The following GPRC5C variants were observed in gnomAD, a reference collection of about 807,000 sequenced individuals.
GPRC5C encodes G protein-coupled receptor family C group 5 member C.
In GPRC5C, 22 loss-of-function variants were observed where a neutral mutation model predicts 31.4. The observed-to-expected ratio is 0.70, with a 90% CI of 0.50 to 1.00. The LOEUF is 1.00. GPRC5C is among the 50% of genes least tolerant of loss of function. The probability of loss-of-function intolerance (pLI) is 0.00; values close to 1 mark genes in which losing one functional copy is unlikely to be tolerated. For synonymous variants in GPRC5C, 249 were observed against 257.5 expected (o/e 0.97, Z 0.32); for missense variants, 557 against 597.2 (o/e 0.93, Z 0.70).
chr17:74,448,688 A>G (rs2055678540), downstream of GPRC5C: 1 of 421,830 alleles, frequency 2.4e-6, no homozygotes, highest in South Asian at 1.7e-5. Flanking sequence ...CCATCAGCTC[A>G]TTTTAATCCC....
chr17:74,440,528 C>T lies in GPRC5C; in HGVS notation c.752C>T (p.Thr251Ile), dbSNP rs749716899. The T allele has an allele frequency of 6.2e-7, 1 of 1,614,198 alleles. No homozygotes were observed. ...HGVFVLLTTA[T>I]SVAIWVVWIV... ...GTCTTTGTGCTCCTCACCACAGCCACCTCCGTTGCCATATGGGTGGTGTGG... is the reference window on the plus strand; with the variant it reads ...GTCTTTGTGCTCCTCACCACAGCCATCTCCGTTGCCATATGGGTGGTGTGG... The change falls in exon 2 of 4, where the codon ACC becomes ATC. Residue 251 changes from threonine to isoleucine, a missense_variant. Transcript: ENST00000392627. The surrounding 1 kb of genome is among the most constrained non-coding windows in gnomAD (Gnocchi z 4.4).
intron 1 of GPRC5C, among the ~76,000 whole-genome samples, chr17:74,434,710 G>A (rs1241909945): frequency 6.6e-6 from 1 of 152,178 alleles, no homozygotes; most frequent in African/African-American, 2.4e-5. Context: ...ATCACCTTAG[G>A]TCAGGAGTTT....
intron 1 of GPRC5C, among the ~76,000 whole-genome samples, chr17:74,435,329 C>T (rs2055417697): frequency 6.6e-6 from 1 of 152,250 alleles, no homozygotes; most frequent in African/African-American, 2.4e-5. Flanking sequence ...CTGTCCTAGG[C>T]AGTGGATGAG....
downstream of GPRC5C, among the ~76,000 whole-genome samples, chr17:74,447,664 C>T (rs1236557700): frequency 2.0e-5 from 3 of 152,228 alleles, no homozygotes; most frequent in Non-Finnish European, 4.4e-5. Flanking sequence ...AGGCTCAGTG[C>T]GTGCCTAGGA....
chr17:74,440,125 G>T lies in GPRC5C; in HGVS notation c.349G>T (p.Ala117Ser). The T allele has an allele frequency of 6.2e-7, 1 of 1,614,148 alleles. No homozygotes were observed. The highest frequency in any genetic ancestry group is 8.5e-7 in the Non-Finnish European group (1 of 1,180,026). The change falls in exon 2 of 4, where the codon GCC (alanine) becomes TCC (serine). Residue 117 changes from alanine to serine, a missense_variant. By Grantham distance (99) the Ala-to-Ser change is moderately conservative. Transcript: ENST00000392627. The surrounding 1 kb of genome is among the most constrained non-coding windows in gnomAD (Gnocchi z 4.4). ...CVVKPDFSTC[A>S]SRRFLFGVLF... ...GGTGAAGCCCGACTTCTCCACCTGTGCCTCTCGGCGCTTCCTCTTTGGGGT... is the reference window on the plus strand; with the variant it reads ...GGTGAAGCCCGACTTCTCCACCTGTTCCTCTCGGCGCTTCCTCTTTGGGGT...
chr17:74,439,665 T>C, intron 1 of GPRC5C, 80 bp from the exon 2 acceptor site: 1 of 1,352,422 alleles, frequency 7.4e-7, no homozygotes, highest in Non-Finnish European at 1.0e-6. Flanking sequence ...TGCCTGGGTT[T>C]AGGTTGGGGG....
chr17:74,433,559 G>A (rs1293191963), intron 1 of GPRC5C: 3 of 707,648 alleles, frequency 4.2e-6, no homozygotes, highest in African/African-American at 3.5e-5. Flanking sequence ...AGAGGGGTGA[G>A]ACAGTGGGAC....
At chr17:74,444,358 C>T (rs2055592991) in intron 3 of GPRC5C, among the ~76,000 whole-genome samples, 1 of 152,148 alleles carries the variant, frequency 6.6e-6, no homozygotes, top group African/African-American at 2.4e-5. Context: ...CCAAGGGGGC[C>T]CACACTCTCC....
Position 74,438,506 on chromosome 17 carries a change from C to G in GPRC5C, c.-32-1239C>G, listed in dbSNP as rs183505444. Among the ~76,000 whole-genome samples, 524 of 151,828 alleles carry G rather than the reference C, an allele frequency of 3.5e-3. 1 individual carries two copies. The highest frequency in any genetic ancestry group is 6.2e-3 in the Non-Finnish European group (419 of 67,962). ...GAACTCCTGACCTCAAGTGATCCAC[C>G]AGTCTTGGCCTCCCAAAGTGCTGGG... On this transcript the variant is annotated intron_variant, in intron 1 of 3. Coordinates refer to ENST00000392627, the MANE Select transcript of GPRC5C (RefSeq NM_022036.4).
At chr17:74,448,234 G>A (rs978086730), downstream of GPRC5C, among the ~76,000 whole-genome samples, 3 of 152,174 alleles carry the variant, frequency 2.0e-5, no homozygotes, top group Non-Finnish European at 2.9e-5. Flanking sequence ...CCAGGAGGTC[G>A]AGGCTGCAGT....
At chr17:74,448,400 C>T (rs1330332093), downstream of GPRC5C, among the ~76,000 whole-genome samples, 3 of 152,032 alleles carry the variant, frequency 2.0e-5, no homozygotes, top group East Asian at 5.8e-4. Context: ...TTTTTTGAGA[C>T]AGAGTCTTGG....
rs2055415812 is a variant in GPRC5C, at chr17:74,435,196, G to T, written c.-33+3055G>T. ...ATCACGCCACTGCGCTCCAGCCTGG[G>T]CGACAGAGCGAGACTCCGTCTCAAA... is the stretch of plus-strand genomic sequence containing the variant. On this transcript the variant is annotated intron_variant, in intron 1 of 3. Transcript: ENST00000392627. 2.0e-5 allele frequency among the ~76,000 whole-genome samples: 3 copies of T among 152,194 alleles called. No homozygotes were observed. The South Asian group carries it at 6.2e-4, about 32-fold the overall frequency.
Position 74,440,863 on chromosome 17 carries a change from T to C in GPRC5C, c.1051+36T>C, listed in dbSNP as rs1381101705. The C allele has an allele frequency of 2.1e-6, 3 of 1,437,366 alleles. No individual in the cohort carries two copies. The highest frequency in any genetic ancestry group is 2.8e-6 in the Non-Finnish European group (3 of 1,088,842). The allele number at this position is 1,437,366 out of a possible 1,614,324, so 89.0% of individuals were successfully genotyped here. On this transcript the variant is annotated intron_variant, in intron 2 of 3. Coordinates refer to ENST00000392627, the MANE Select transcript of GPRC5C (RefSeq NM_022036.4). The surrounding 1 kb of genome is among the most constrained non-coding windows in gnomAD (Gnocchi z 4.4). Reference sequence around the variant, plus strand: ...GTGGATGCCCCCAGTGGCCCCTTTCTCCATCCCATGTCTTTTACTGCAGGA... The same window carrying C: ...GTGGATGCCCCCAGTGGCCCCTTTCCCCATCCCATGTCTTTTACTGCAGGA...
chr17:74,445,357 C>G (rs1362951770), intron 3 of GPRC5C: 1 of 152,224 alleles, frequency 6.6e-6, no homozygotes, highest in African/African-American at 2.4e-5. Context: ...ACCATGGGGG[C>G]ACTATCCAGC....
chr17:74,450,667 T>C (rs1201522996), downstream of GPRC5C: 1 of 152,234 alleles, frequency 6.6e-6, no homozygotes, highest in South Asian at 2.1e-4. Context: ...CTCTTGTATT[T>C]TGAGCCCTCG....
At chr17:74,433,029 C>T (rs1175758518) in intron 1 of GPRC5C, among the ~76,000 whole-genome samples, 1 of 152,054 alleles carries the variant, frequency 6.6e-6, no homozygotes, top group East Asian at 1.9e-4. Context: ...ATCAAAGCGC[C>T]TCCCCTTCTG....
Position 74,446,916 on chromosome 17 carries a change from A to T in GPRC5C, c.1214A>T (p.Asn405Ile), listed in dbSNP as rs752575581. The T allele has an allele frequency of 6.2e-6, 10 of 1,614,026 alleles. No individual in the cohort carries two copies. The highest frequency in any genetic ancestry group is 8.5e-6 in the Non-Finnish European group (10 of 1,179,938). The change falls in exon 4 of 4, where the codon AAC becomes ATC. Residue 405 changes from asparagine (N) to isoleucine (I), a missense_variant. Coordinates refer to ENST00000392627, the MANE Select transcript of GPRC5C (RefSeq NM_022036.4). ...AACAGCCAGGTGATGGGCAGTGCCA[A>T]CTCGACCCTGCGGGCTGAAGACATG... ...TANSQVMGSA[N>I]STLRAEDMYS...
chr17:74,444,394 C>T (rs934190082), intron 3 of GPRC5C, among the ~76,000 whole-genome samples: 1 of 152,184 alleles, frequency 6.6e-6, no homozygotes, highest in East Asian at 1.9e-4. Context: ...CAGCAAGTCT[C>T]GACCTTACAC....
At chr17:74,444,469 G>A (rs2055595256) in intron 3 of GPRC5C, among the ~76,000 whole-genome samples, 2 of 152,164 alleles carry the variant, frequency 1.3e-5, no homozygotes, top group African/African-American at 2.4e-5. Context: ...GCAGGAAGAC[G>A]GTGGGTTGGA....
Sources: allele counts gnomAD v4.1 joint callset (sites outside exome capture counted in the v4.1 genomes callset), GRCh38; gene constraint gnomAD v4.1.1; non-coding constraint Gnocchi (gnomAD v3.1); transcripts MANE v1.5; gene names NCBI Gene and HGNC (gene_info 2026-07-23, HGNC 2026-07-21).